The following RELL1 variants were observed in gnomAD, a reference collection of about 807,000 sequenced individuals.
RELL1 encodes RELT-like protein 1.
In RELL1, 10 loss-of-function variants were observed where a neutral mutation model predicts 23.0. The observed-to-expected ratio is 0.43, with a 90% CI of 0.27 to 0.74. The LOEUF is 0.74. Ranked by LOEUF, RELL1 falls within the 30% of genes least tolerant of loss-of-function variation. The probability of loss-of-function intolerance (pLI) is 0.19; values close to 1 mark genes in which losing one functional copy is unlikely to be tolerated. For missense variants in RELL1, 315 were observed against 364.4 expected, an observed-to-expected ratio of 0.86 and a Z score of 1.10; for synonymous variants, 146 against 146.8, an observed-to-expected ratio of 0.99 and a Z score of 0.04.
rs59547694 is a variant in RELL1, at chr4:37,624,048, G to T, written c.*3+7337C>A. 5.7e-3 allele frequency among the ~76,000 whole-genome samples: 863 copies of T among 152,242 alleles called. 7 individuals are homozygous for T. Among genetic ancestry groups the T allele is most frequent in the African/African-American group, 0.02 (815 of 41,542 alleles). ...ATCAAGCAGTACGACTTCCGAGGGG[G>T]TCCCCAAGGAGCTTCTACTATAATT... On this transcript the variant is annotated intron_variant, in intron 6 of 6. Transcript: ENST00000454158.
intron 3 of RELL1, 43 bp from the exon 4 acceptor site, chr4:37,638,547 T>C: frequency 7.2e-7 from 1 of 1,384,924 alleles, no homozygotes; most frequent in Non-Finnish European, 1.0e-6. Flanking sequence ...ATAGAATGAA[T>C]AAGATGAGTA....
chr4:37,604,906 C>CACACAG (rs1239315556), intron 6 of RELL1, among the ~76,000 whole-genome samples: 6 of 63,422 alleles, frequency 9.5e-5, no homozygotes, highest in South Asian at 8.9e-4. Context: ...CACAGACACA[C>CACACAG]ACACACACAC....
intron 1 of RELL1, among the ~76,000 whole-genome samples, chr4:37,653,034 C>A (rs546461618): frequency 6.6e-6 from 1 of 152,046 alleles, no homozygotes; most frequent in African/African-American, 2.4e-5. Flanking sequence ...TACAAGATGG[C>A]CCTGGGAAAT....
chr4:37,602,967 TAA>T (rs1719054904), intron 6 of RELL1, among the ~76,000 whole-genome samples: 1 of 152,074 alleles, frequency 6.6e-6, no homozygotes, highest in Non-Finnish European at 1.5e-5. Flanking sequence ...AGAAAAACAA[TAA>T]AGACAAACTG....
intron 6 of RELL1, among the ~76,000 whole-genome samples, chr4:37,622,643 C>T (rs1719805923): frequency 6.6e-6 from 1 of 152,074 alleles, no homozygotes; most frequent in East Asian, 1.9e-4. Context: ...ACAACACACA[C>T]TAAACAAGGG....
intron 6 of RELL1, among the ~76,000 whole-genome samples, chr4:37,592,984 G>A (rs1223267780): frequency 6.6e-6 from 1 of 152,160 alleles, no homozygotes; most frequent in Non-Finnish European, 1.5e-5. Flanking sequence ...CACCTTTAAG[G>A]ACGGCACCCT....
At chr4:37,618,964 C>G (rs1265589678) in intron 6 of RELL1, among the ~76,000 whole-genome samples, 1 of 152,182 alleles carries the variant, frequency 6.6e-6, no homozygotes, top group African/African-American at 2.4e-5. Flanking sequence ...ACTGCAACCT[C>G]CGCCTCCCGG....
intron 1 of RELL1, among the ~76,000 whole-genome samples, chr4:37,681,807 G>T (rs529667478): frequency 3.9e-5 from 6 of 152,250 alleles, no homozygotes; most frequent in East Asian, 1.9e-4. Context: ...GATTACAGGC[G>T]TGAGCCACTG....
chr4:37,592,369 AAAAG>A (rs1264189627), intron 6 of RELL1, among the ~76,000 whole-genome samples: 2 of 151,536 alleles, frequency 1.3e-5, no homozygotes, highest in African/African-American at 2.4e-5. Context: ...AAAAAAAAAA[AAAAG>A]AGCTAGACTA....
chr4:37,603,821 GT>G (rs1475974454), intron 6 of RELL1, among the ~76,000 whole-genome samples: 2 of 151,934 alleles, frequency 1.3e-5, no homozygotes, highest in African/African-American at 4.8e-5. Flanking sequence ...TGTTGTTGTT[GT>G]TTGTTTGTTT....
intron 1 of RELL1, among the ~76,000 whole-genome samples, chr4:37,670,404 T>C (rs909890830): frequency 6.6e-6 from 1 of 152,172 alleles, no homozygotes; most frequent in African/African-American, 2.4e-5. Context: ...GATGTTTCCA[T>C]TGGTTGGAGG....
At chr4:37,605,835 G>GAAAGAA (rs1553871672), downstream of RELL1, among the ~76,000 whole-genome samples, 5 of 110,586 alleles carry the variant, frequency 4.5e-5, no homozygotes, top group African/African-American at 1.4e-4. Flanking sequence ...AAGAAAGAAA[G>GAAAGAA]AAAGAAAGAA....
At position 37,638,474 on chromosome 4, in the gene RELL1, G is replaced by A; in HGVS notation, c.416C>T (p.Ala139Val). 6.2e-7 allele frequency: 1 copy of A among 1,612,936 alleles called. No individual in the cohort carries two copies. Among genetic ancestry groups the A allele is most frequent in the Non-Finnish European group, 8.5e-7 (1 of 1,179,252 alleles). ...ANADVLKAMVADNSLYDPESP... is the reference protein window; with the variant it reads ...ANADVLKAMVVDNSLYDPESP... ...TTCAGGATCATACAGGCTGTTATCT[G>A]CTACCATCGCCTTTAAGACATCAGC... The change falls in exon 4 of 7, where the codon GCA (alanine) becomes GTA (valine). Residue 139 changes from alanine to valine, a missense_variant. By Grantham distance (64) the Ala-to-Val change is moderately conservative. Transcript: ENST00000454158.
intron 1 of RELL1, among the ~76,000 whole-genome samples, chr4:37,657,462 A>C (rs551232309): frequency 6.6e-6 from 1 of 152,352 alleles, no homozygotes; most frequent in African/African-American, 2.4e-5. Context: ...ATTTATATGT[A>C]GAAGGGAAGG....
intron 1 of RELL1, among the ~76,000 whole-genome samples, chr4:37,658,809 G>A (rs943429518): frequency 6.6e-6 from 1 of 152,076 alleles, no homozygotes; most frequent in African/African-American, 2.4e-5. Context: ...TCACAACTTG[G>A]TTTAGAATAA....
Position 37,669,349 on chromosome 4 carries a change from G to C in RELL1, c.88+16851C>G, listed in dbSNP as rs539447705. ...CTCTGCCTGGCCAGCCGCTCCCTCC[G>C]GGAGGGAGGTGGGGGGGTCAGTCCC... On this transcript the variant is annotated intron_variant, in intron 1 of 6. Coordinates refer to ENST00000454158, the MANE Select transcript of RELL1 (RefSeq NM_001085400.2). Among the ~76,000 whole-genome samples, 222 of 146,908 alleles carry C rather than the reference G, an allele frequency of 1.5e-3. 1 individual carries two copies. In the South Asian group the frequency reaches 0.018, roughly 12 times the overall value.
intron 6 of RELL1, among the ~76,000 whole-genome samples, chr4:37,622,002 T>C (rs1311520323): frequency 6.6e-6 from 1 of 152,218 alleles, no homozygotes; most frequent in Non-Finnish European, 1.5e-5. Context: ...TCCCAGATCA[T>C]GGCCATAAAT....
At chr4:37,632,107 A>AAAC (rs1720163080) in intron 5 of RELL1, among the ~76,000 whole-genome samples, 1 of 150,784 alleles carries the variant, frequency 6.6e-6, no homozygotes, top group East Asian at 1.9e-4. Context: ...AAAAAAAAAA[A>AAAC]AACACCTCAG....
intron 1 of RELL1, among the ~76,000 whole-genome samples, chr4:37,682,507 T>C (rs865918359): frequency 1.3e-5 from 2 of 152,376 alleles, no homozygotes; most frequent in African/African-American, 4.8e-5. Context: ...CTGTTGTTTG[T>C]TCACTTGGGG....
Sources: allele counts gnomAD v4.1 joint callset (sites outside exome capture counted in the v4.1 genomes callset), GRCh38; gene constraint gnomAD v4.1.1; transcripts MANE v1.5; gene names NCBI Gene and HGNC (gene_info 2026-07-23, HGNC 2026-07-21).